UBA52: variants seen among roughly 807,000 people sequenced by gnomAD.
The protein encoded by UBA52 is ubiquitin-ribosomal protein eL40 fusion protein.
A neutral mutation model predicts 15.3 loss-of-function variants in UBA52; 1 was observed. The ratio of observed to expected loss-of-function variants is 0.07; its 90% confidence interval spans 0.02 to 0.31. The LOEUF (loss-of-function observed/expected upper bound fraction) is 0.31. Among genes scored for constraint, UBA52 ranks in the 10% least tolerant of loss-of-function variants. The pLI, the probability that UBA52 is intolerant of heterozygous loss-of-function variation, is 1.00. For synonymous variants in UBA52, 50 were observed against 58.3 expected (o/e 0.86, Z 0.65); for missense variants, 87 against 168.0 (o/e 0.52, Z 2.66).
intron 1 of UBA52, chr19:18,572,153 G>A (rs1975522215): frequency 6.6e-6 from 1 of 152,312 alleles, no homozygotes; most frequent in African/African-American, 2.4e-5. Context: ...GAGGTCCTCG[G>A]GGCAGATCCG....
rs969624331 is a variant in UBA52 at position 18,576,730 on chromosome 19, C to T, written c.*1580C>T. On this transcript the variant is annotated 3_prime_UTR_variant, in exon 5 of 5. Transcript: ENST00000442744. Reference sequence around the variant, plus strand: ...AGGCTGGAGTGCGGTGGCGCAGTCTCGGCTCACTGCAGCTTCTGCCTCTCG... The same window carrying T: ...AGGCTGGAGTGCGGTGGCGCAGTCTTGGCTCACTGCAGCTTCTGCCTCTCG... 1 of 149,652 alleles carries T rather than the reference C, an allele frequency of 6.7e-6. No individual in the cohort carries two copies. Among genetic ancestry groups the T allele is most frequent in the Non-Finnish European group, 1.5e-5 (1 of 67,762 alleles). The allele number at this position is 149,652 out of a possible 1,614,324, so 9.3% of individuals were successfully genotyped here.
Position 18,577,276 on chromosome 19 carries a change from AAATT to A in UBA52, c.*2129_*2132del, listed in dbSNP as rs1401485585. ...CTTAACTGATCGAATGAAGGATTCA[AAATT>A]AACCACTCCAAGGGGGGATTGAAGG... On this transcript the variant is annotated 3_prime_UTR_variant, in exon 5 of 5. Coordinates refer to ENST00000442744, the MANE Select transcript of UBA52 (RefSeq NM_001033930.3). The A allele has an allele frequency of 1.3e-5, 2 of 152,132 alleles. No homozygotes were observed. The highest frequency in any genetic ancestry group is 4.8e-5 in the African/African-American group (2 of 41,404). The allele number at this position is 152,132 out of a possible 1,614,324, so 9.4% of individuals were successfully genotyped here. A position where few individuals can be genotyped will look rare whatever the true frequency, so the allele number is the denominator to read the frequency against.
At chr19:18,574,071 G>A (rs779311502) in intron 3 of UBA52, among the ~76,000 whole-genome samples, 8 of 151,930 alleles carry the variant, frequency 5.3e-5, no homozygotes, top group African/African-American at 9.7e-5. Context: ...AGATCACAAG[G>A]TCAAGAGATT....
chr19:18,567,690 C>T (rs562161688), upstream of UBA52, among the ~76,000 whole-genome samples: 7 of 152,330 alleles, frequency 4.6e-5, no homozygotes, highest in East Asian at 1.3e-3. Flanking sequence ...GGGTACCATT[C>T]CATGTTGCCA....
At chr19:18,568,254 A>C (rs916272711), upstream of UBA52, 9 of 665,248 alleles carry the variant, frequency 1.4e-5, no homozygotes, top group African/African-American at 1.3e-4. Flanking sequence ...GCAAAGAGCG[A>C]AACTCCGTCT....
rs763530597 is a variant in UBA52 at position 18,574,858 on chromosome 19, T to G, written c.191-12T>G. On this transcript the variant is annotated splice_polypyrimidine_tract_variant and intron_variant, in intron 3 of 4. Transcript: ENST00000442744. ...TGGGCTCAGTCGCCGTCCTTCTGGC[T>G]GTCTCCTGCAGAGTCCACCCTGCAC... The G allele has an allele frequency of 6.2e-7, 1 of 1,612,698 alleles. No individual in the cohort carries two copies. The highest frequency in any genetic ancestry group is 1.1e-5 in the South Asian group (1 of 91,058).
At chr19:18,567,221 T>A, upstream of UBA52, 1 of 1,604,256 alleles carries the variant, frequency 6.2e-7, no homozygotes, top group African/African-American at 1.3e-5. Context: ...ACGTCAGCAC[T>A]CTCCACCCAG....
intron 1 of UBA52, chr19:18,572,694 C>G (rs148094945): frequency 1.6e-6 from 1 of 643,654 alleles, no homozygotes; most frequent in African/African-American, 2.0e-5. Context: ...TTGGTAGATA[C>G]TAAGTGATGT....
upstream of UBA52, among the ~76,000 whole-genome samples, chr19:18,571,016 C>G (rs532285613): frequency 6.6e-6 from 1 of 151,394 alleles, no homozygotes; most frequent in African/African-American, 2.4e-5. Flanking sequence ...AAATCTGGAT[C>G]CTACACTGAA....
At chr19:18,568,363 C>G (rs1975365610), upstream of UBA52, 1 of 1,489,518 alleles carries the variant, frequency 6.7e-7, no homozygotes, top group Non-Finnish European at 9.3e-7. Context: ...CAGAGCTTGG[C>G]AAGGTGACAA....
At chr19:18,571,310 CA>C (rs756456955), upstream of UBA52, among the ~76,000 whole-genome samples, 592 of 108,208 alleles carry the variant, frequency 5.5e-3, 4 homozygotes, top group East Asian at 0.025. Context: ...AACTCCGTCT[CA>C]AAAAAAAAAA....
rs1423982756 is a variant in UBA52, at chr19:18,575,532, G to A, written c.*382G>A. ...TCAGGCCTTGGCCCTGAAGTGTCTA[G>A]GTGTGTGGAGATGGGTAGAAAATTA... On this transcript the variant is annotated 3_prime_UTR_variant, in exon 5 of 5. Transcript: ENST00000442744. 1 of 276,996 alleles carries A rather than the reference G, an allele frequency of 3.6e-6. No individual in the cohort carries two copies. The highest frequency in any genetic ancestry group is 2.2e-5 in the African/African-American group (1 of 45,602). 17.2% of individuals were successfully genotyped at this position (276,996 alleles called of 1,614,324 possible).
chr19:18,570,757 G>A (rs1426407067), upstream of UBA52, among the ~76,000 whole-genome samples: 2 of 144,570 alleles, frequency 1.4e-5, no homozygotes, highest in African/African-American at 5.2e-5. Flanking sequence ...GCACTCTCTC[G>A]GCTAATTGCA....
At chr19:18,568,905 A>G (rs912191416), upstream of UBA52, 5 of 481,240 alleles carry the variant, frequency 1.0e-5, no homozygotes, top group African/African-American at 7.8e-5. Context: ...GGCTGGGCAC[A>G]GGGGAATTTT....
chr19:18,567,328 G>A, upstream of UBA52: 1 of 769,326 alleles, frequency 1.3e-6, no homozygotes, highest in East Asian at 2.6e-5. Context: ...CAGGGTCAGG[G>A]TGCTGGCCTG....
chr19:18,567,530 C>A (rs114778376), upstream of UBA52, among the ~76,000 whole-genome samples: 1 of 152,182 alleles, frequency 6.6e-6, no homozygotes, highest in African/African-American at 2.4e-5. Context: ...GCCCCAGCTT[C>A]GAGGATCTGT....
At chr19:18,564,893 T>C in the UBA52 span, 3 of 1,611,548 alleles carry the variant, frequency 1.9e-6, no homozygotes, top group Admixed American at 1.7e-5. Context: ...AGAAGACCAA[T>C]GAGATGCTGC....
At chr19:18,573,530 T>G (rs1975615149) in intron 2 of UBA52, 127 bp downstream of exon 2, 1 of 1,300,530 alleles carries the variant, frequency 7.7e-7, no homozygotes, top group Non-Finnish European at 1.1e-6. Flanking sequence ...CCATGTGATC[T>G]GAAGAACGTT....
chr19:18,574,295 C>T (rs1975667112), intron 3 of UBA52, among the ~76,000 whole-genome samples: 1 of 151,648 alleles, frequency 6.6e-6, no homozygotes, highest in Admixed American at 6.6e-5. Flanking sequence ...GACAAGAATT[C>T]AGTGTCCTTT....
Sources: allele counts gnomAD v4.1 joint callset (sites outside exome capture counted in the v4.1 genomes callset), GRCh38; gene constraint gnomAD v4.1.1; transcripts MANE v1.5; gene names NCBI Gene and HGNC (gene_info 2026-07-23, HGNC 2026-07-21).